Variants in ROBO1 observed in about 807,000 individuals in gnomAD.
The protein encoded by ROBO1 is roundabout guidance receptor 1, also known as roundabout homolog 1.
In ROBO1, 149 loss-of-function variants were observed where a neutral mutation model predicts 195.9. That is an observed-to-expected ratio of 0.76 (90% CI 0.67 to 0.87). ROBO1 has a LOEUF of 0.87. ROBO1 is among the 40% of genes least tolerant of loss of function. The pLI is 0.00. For missense variants in ROBO1, 1,933 were observed against 2,068.3 expected, an observed-to-expected ratio of 0.93 and a Z score of 1.27; for synonymous variants, 816 against 733.2, an observed-to-expected ratio of 1.11 and a Z score of -1.82.
chr3:78,709,835 A>G (rs935819946), intron 8 of ROBO1, among the ~76,000 whole-genome samples: 1 of 152,230 alleles, frequency 6.6e-6, no homozygotes, highest in African/African-American at 2.4e-5. Context: ...AGTCACTCTT[A>G]GAGATAACGG....
chr3:79,410,983 A>G (rs1311877733), intron 2 of ROBO1, among the ~76,000 whole-genome samples: 1 of 152,172 alleles, frequency 6.6e-6, no homozygotes, highest in Non-Finnish European at 1.5e-5. Flanking sequence ...AATTTCCAGT[A>G]AAATAAGTTT....
At chr3:79,194,467 A>C (rs1021389484) in intron 2 of ROBO1, among the ~76,000 whole-genome samples, 1 of 151,662 alleles carries the variant, frequency 6.6e-6, no homozygotes, top group Non-Finnish European at 1.5e-5. Context: ...ATTACAATAC[A>C]TAATTCCCAC....
At chr3:79,488,965 C>T (rs894651601) in intron 2 of ROBO1, among the ~76,000 whole-genome samples, 2 of 152,074 alleles carry the variant, frequency 1.3e-5, no homozygotes, top group African/African-American at 4.8e-5. Flanking sequence ...AACTGATTCT[C>T]CCCTCTCCTC....
chr3:79,705,094 AT>A (rs912634103), intron 1 of ROBO1, among the ~76,000 whole-genome samples: 4 of 151,600 alleles, frequency 2.6e-5, no homozygotes, highest in African/African-American at 9.7e-5. Context: ...TCCTTTTCAG[AT>A]TTTTTTTGGC....
At position 78,651,374 on chromosome 3, in the gene ROBO1, G is replaced by T. The variant is rs148964745; in HGVS notation, c.2812+358C>A. Among the ~76,000 whole-genome samples the T allele has an allele frequency of 1.7e-3, 259 of 152,166 alleles. 1 individual carries two copies. Among genetic ancestry groups the T allele is most frequent in the Non-Finnish European group, 1.4e-3 (94 of 67,992 alleles). The stretch of plus-strand genomic sequence containing the variant: ...CTGAAACCATGTGAGACTGTTCAAA[G>T]GTTGCGTTTATAATTCCAATAACAA... On this transcript the variant is annotated intron_variant, in intron 19 of 30. Coordinates refer to ENST00000464233, the MANE Select transcript of ROBO1 (RefSeq NM_002941.4).
chr3:79,270,615 AC>A (rs2108969730), intron 2 of ROBO1, among the ~76,000 whole-genome samples: 1 of 151,866 alleles, frequency 6.6e-6, no homozygotes, highest in African/African-American at 2.4e-5. Flanking sequence ...TTTTAGCTTG[AC>A]ATCTGCCAAT....
At chr3:79,482,324 T>C (rs1938906944) in intron 2 of ROBO1, among the ~76,000 whole-genome samples, 1 of 152,174 alleles carries the variant, frequency 6.6e-6, no homozygotes, top group South Asian at 2.1e-4. Context: ...GAACTGTGGC[T>C]CCCATAATTC....
chr3:79,569,983 C>G (rs540798212), intron 2 of ROBO1, among the ~76,000 whole-genome samples: 2 of 152,040 alleles, frequency 1.3e-5, no homozygotes, highest in South Asian at 4.2e-4. Flanking sequence ...CACCTGTAGT[C>G]CCAGCTAGTG....
chr3:79,438,048 T>C (rs2038942941), intron 2 of ROBO1, among the ~76,000 whole-genome samples: 2 of 151,946 alleles, frequency 1.3e-5, no homozygotes, highest in South Asian at 2.1e-4. Flanking sequence ...TCAGTGCTAA[T>C]ATAAAACAGA....
chr3:78,723,188 C>T lies in ROBO1; in HGVS notation c.658-5305G>A, dbSNP rs1008320806. On this transcript the variant is annotated intron_variant, in intron 5 of 30. Coordinates refer to ENST00000464233, the MANE Select transcript of ROBO1 (RefSeq NM_002941.4). ...TGTAAGATCGTTTCCAGTGCATCAC[C>T]TTTTCTACATTTAGATAGATTTAGA... 2.0e-5 allele frequency among the ~76,000 whole-genome samples: 3 copies of T among 152,184 alleles called. No homozygotes were observed. The Middle Eastern group carries it at 0.01, about 518-fold the overall frequency.
intron 2 of ROBO1, among the ~76,000 whole-genome samples, chr3:79,199,984 G>A (rs2081732042): frequency 1.3e-5 from 2 of 151,648 alleles, no homozygotes; most frequent in African/African-American, 4.8e-5. Context: ...GAACAGAAGG[G>A]AAGAATAGAG....
intron 2 of ROBO1, among the ~76,000 whole-genome samples, chr3:79,172,689 A>G (rs2081188961): frequency 6.6e-6 from 1 of 152,018 alleles, no homozygotes; most frequent in South Asian, 2.1e-4. Flanking sequence ...TATCTTTCCA[A>G]CTATTCCCTT....
chr3:78,904,463 G>A (rs760115190), intron 4 of ROBO1, among the ~76,000 whole-genome samples: 8 of 151,886 alleles, frequency 5.3e-5, no homozygotes, highest in Non-Finnish European at 1.2e-4. Context: ...GACTATCCCT[G>A]GCAAAGATGT....
chr3:79,405,698 CTT>C (rs1217745367), intron 2 of ROBO1, among the ~76,000 whole-genome samples: 1 of 152,068 alleles, frequency 6.6e-6, no homozygotes, highest in African/African-American at 2.4e-5. Context: ...TCTTTTGTAA[CTT>C]TATATTGTGG....
chr3:78,803,783 TC>T (rs1251525719), intron 4 of ROBO1, among the ~76,000 whole-genome samples: 1 of 152,066 alleles, frequency 6.6e-6, no homozygotes, highest in Non-Finnish European at 1.5e-5. Flanking sequence ...AAGTATAGCT[TC>T]TTTTGAAAAA....
intron 4 of ROBO1, among the ~76,000 whole-genome samples, chr3:78,749,333 GAA>G (rs2082732741): frequency 6.6e-6 from 1 of 152,018 alleles, no homozygotes; most frequent in African/African-American, 2.4e-5. Context: ...ATGTCTTGCA[GAA>G]ATATCAAAGG....
At chr3:78,636,249 C>A in intron 22 of ROBO1, 141 bp from the exon 23 acceptor site, 1 of 550,538 alleles carries the variant, frequency 1.8e-6, no homozygotes, top group South Asian at 2.8e-5. Flanking sequence ...TAAAAACGGC[C>A]AAATATCCAC....
chr3:79,605,982 ATG>A (rs966171244), intron 1 of ROBO1, among the ~76,000 whole-genome samples: 1 of 133,702 alleles, frequency 7.5e-6, no homozygotes, highest in African/African-American at 3.6e-5. Flanking sequence ...GTTTACATAT[ATG>A]TGTGTGTGTA....
intron 2 of ROBO1, among the ~76,000 whole-genome samples, chr3:79,492,870 A>T (rs906648881): frequency 2.0e-5 from 3 of 152,116 alleles, no homozygotes; most frequent in African/African-American, 4.8e-5. Flanking sequence ...CACACAACTA[A>T]GACCTTAACA....
Sources: gnomAD v4.1 joint callset for allele counts (sites outside exome capture counted in the v4.1 genomes callset) on GRCh38, gnomAD v4.1.1 for gene constraint, MANE v1.5 for transcripts, NCBI Gene and HGNC (gene_info 2026-07-23, HGNC 2026-07-21) for gene names.